Variants in IGSF11 observed in about 807,000 individuals in gnomAD.
The protein encoded by IGSF11 is CXADR like 1.
A neutral mutation model predicts 41.0 loss-of-function variants in IGSF11; 22 were observed. The ratio of observed to expected loss-of-function variants is 0.54; its 90% CI spans 0.38 to 0.77. IGSF11 has a LOEUF of 0.77. Ranked by LOEUF, IGSF11 falls within the 30% of genes least tolerant of loss-of-function variation. IGSF11 has a pLI of 0.00. For missense variants in IGSF11, 444 were observed against 530.8 expected (o/e 0.84, Z 1.61); for synonymous variants, 219 against 201.3 (o/e 1.09, Z -0.74).
At chr3:119,092,161 G>A (rs2076773573) in intron 1 of IGSF11, among the ~76,000 whole-genome samples, 1 of 151,934 alleles carries the variant, frequency 6.6e-6, no homozygotes, top group African/African-American at 2.4e-5. Flanking sequence ...ACAGGTCTGT[G>A]CCACCACGCC....
intron 1 of IGSF11, among the ~76,000 whole-genome samples, chr3:118,976,584 C>A (rs1481088981): frequency 6.6e-6 from 1 of 152,224 alleles, no homozygotes; most frequent in East Asian, 1.9e-4. Flanking sequence ...GAGAACAAAA[C>A]TCCTGCTACC....
chr3:118,931,982 C>G (rs185581404), intron 1 of IGSF11, among the ~76,000 whole-genome samples: 1 of 152,272 alleles, frequency 6.6e-6, no homozygotes, highest in African/African-American at 2.4e-5. Context: ...ATCTGGCCAC[C>G]TTGGCCTCCC....
chr3:119,076,918 G>A (rs1324206295), intron 1 of IGSF11, among the ~76,000 whole-genome samples: 1 of 152,020 alleles, frequency 6.6e-6, no homozygotes, highest in East Asian at 1.9e-4. Flanking sequence ...CCCATTACTG[G>A]GTATATACCC....
intron 1 of IGSF11, among the ~76,000 whole-genome samples, chr3:119,121,782 A>G (rs1410030960): frequency 6.6e-6 from 1 of 152,196 alleles, no homozygotes; most frequent in Non-Finnish European, 1.5e-5. Context: ...AAAAAAGTCA[A>G]ACACTAAGAG....
At chr3:118,911,446 T>C (rs1559879503) in intron 4 of IGSF11, among the ~76,000 whole-genome samples, 1 of 152,108 alleles carries the variant, frequency 6.6e-6, no homozygotes, top group Admixed American at 6.6e-5. Flanking sequence ...CTGCGTGTGG[T>C]GGCTCACACC....
intron 1 of IGSF11, among the ~76,000 whole-genome samples, chr3:119,077,927 C>T (rs953506298): frequency 6.6e-6 from 1 of 151,950 alleles, no homozygotes; most frequent in African/African-American, 2.4e-5. Flanking sequence ...ATCTCATTCA[C>T]GAGAGAATAA....
chr3:118,972,729 T>G lies in IGSF11; in HGVS notation c.53-42454A>C, dbSNP rs1023704828. 2.0e-5 allele frequency among the ~76,000 whole-genome samples: 3 copies of G among 152,296 alleles called. No homozygotes were observed. In the East Asian group the frequency reaches 5.8e-4, roughly 29 times the overall value. On this transcript the variant is annotated intron_variant, in intron 1 of 6. Transcript: ENST00000393775. ...TTGGGAGGTATAATTCAAGGATAAG[T>G]GAAACATTTTCAGATATGTAGCCCA... is the stretch of plus-strand genomic sequence containing the variant.
At chr3:119,062,923 C>A (rs1307851871) in intron 1 of IGSF11, among the ~76,000 whole-genome samples, 8 of 152,114 alleles carry the variant, frequency 5.3e-5, no homozygotes, top group African/African-American at 1.7e-4. Flanking sequence ...TTAGCCTCCA[C>A]TCCCTTTAAC....
chr3:119,074,133 T>C (rs1009879705), intron 1 of IGSF11, among the ~76,000 whole-genome samples: 4 of 152,118 alleles, frequency 2.6e-5, no homozygotes, highest in African/African-American at 7.2e-5. Flanking sequence ...ACAAAGATAT[T>C]TGGAACCTAA....
At chr3:119,117,064 G>A (rs764675781) in intron 1 of IGSF11, among the ~76,000 whole-genome samples, 2 of 151,638 alleles carry the variant, frequency 1.3e-5, no homozygotes, top group African/African-American at 2.4e-5. Context: ...ACTTCATCTC[G>A]CACATAACAT....
chr3:119,124,929 A>T (rs899033721), intron 1 of IGSF11, among the ~76,000 whole-genome samples: 2 of 152,170 alleles, frequency 1.3e-5, no homozygotes, highest in Non-Finnish European at 2.9e-5. Context: ...AAAGAAACAA[A>T]TAAATACAAT....
At chr3:119,078,839 G>C (rs565755450) in intron 1 of IGSF11, among the ~76,000 whole-genome samples, 6 of 152,194 alleles carry the variant, frequency 3.9e-5, no homozygotes, top group Non-Finnish European at 7.3e-5. Flanking sequence ...CTAATATCCA[G>C]AATCTATAGG....
At chr3:119,022,739 C>T (rs1939419604) in intron 1 of IGSF11, among the ~76,000 whole-genome samples, 1 of 152,110 alleles carries the variant, frequency 6.6e-6, no homozygotes, top group African/African-American at 2.4e-5. Context: ...TTGACAATAC[C>T]TAGTGTTCAC....
chr3:119,071,010 C>A (rs1314023332), intron 1 of IGSF11, among the ~76,000 whole-genome samples: 3 of 152,120 alleles, frequency 2.0e-5, no homozygotes, highest in African/African-American at 2.4e-5. Context: ...ATGAGTAGCA[C>A]CCTCAAAAAA....
chr3:118,920,529 T>C (rs1488431015), intron 4 of IGSF11, among the ~76,000 whole-genome samples: 1 of 151,978 alleles, frequency 6.6e-6, no homozygotes, highest in Non-Finnish European at 1.5e-5. Flanking sequence ...TGAATGCCAA[T>C]GAACCATACA....
At chr3:119,134,726 C>T (rs984226444) in intron 1 of IGSF11, among the ~76,000 whole-genome samples, 1 of 152,022 alleles carries the variant, frequency 6.6e-6, no homozygotes, top group Non-Finnish European at 1.5e-5. Flanking sequence ...TCATATGGAA[C>T]CAAAAAAGAG....
At chr3:118,913,934 G>C (rs543038868) in intron 4 of IGSF11, among the ~76,000 whole-genome samples, 2 of 152,076 alleles carry the variant, frequency 1.3e-5, no homozygotes, top group Admixed American at 1.3e-4. Context: ...TGAATGAAAA[G>C]GTCCAAAAAA....
chr3:119,062,412 A>T (rs773670534), intron 1 of IGSF11, among the ~76,000 whole-genome samples: 1 of 152,082 alleles, frequency 6.6e-6, no homozygotes, highest in Non-Finnish European at 1.5e-5. Context: ...CTCACAACCA[A>T]CCCCACTCTG....
At chr3:119,057,828 A>C (rs552331554) in intron 1 of IGSF11, among the ~76,000 whole-genome samples, 3 of 152,318 alleles carry the variant, frequency 2.0e-5, no homozygotes, top group Admixed American at 2.0e-4. Flanking sequence ...GCATATCTAC[A>C]ACTATCTGAT....
Sources: allele counts gnomAD v4.1 joint callset (sites outside exome capture counted in the v4.1 genomes callset), GRCh38; gene constraint gnomAD v4.1.1; transcripts MANE v1.5; gene names NCBI Gene and HGNC (gene_info 2026-07-23, HGNC 2026-07-21).